Variants in MND1 observed in about 807,000 individuals in gnomAD.
The protein encoded by MND1 is meiotic nuclear division protein 1 homolog.
Under a neutral mutation model 35.1 loss-of-function variants are expected in MND1, and 28 were observed. The ratio of observed to expected loss-of-function variants is 0.80; its 90% confidence interval spans 0.59 to 1.09. The LOEUF (loss-of-function observed/expected upper bound fraction) is 1.09, where lower values mean the gene tolerates loss of function less well. Ranked by LOEUF, MND1 falls within the 50% of genes least tolerant of loss-of-function variation. The pLI, the probability that MND1 is intolerant of heterozygous loss-of-function variation, is 0.00. For synonymous variants in MND1, 69 were observed against 70.5 expected, an observed-to-expected ratio of 0.98 and a Z score of 0.11; for missense variants, 213 against 239.6, an observed-to-expected ratio of 0.89 and a Z score of 0.73.
At chr4:153,351,621 G>T (rs79160463) in intron 2 of MND1, among the ~76,000 whole-genome samples, 2 of 152,116 alleles carry the variant, frequency 1.3e-5, no homozygotes, top group African/African-American at 4.8e-5. Context: ...AAAGCAAATC[G>T]CCAATAATGG....
At chr4:153,356,462 A>G (rs1446049269) in intron 3 of MND1, among the ~76,000 whole-genome samples, 1 of 147,950 alleles carries the variant, frequency 6.8e-6, no homozygotes. Context: ...CTGAGGCAGG[A>G]GAATGGCGTG....
At chr4:153,412,135 A>G (rs575869771) in intron 7 of MND1, among the ~76,000 whole-genome samples, 1 of 152,378 alleles carries the variant, frequency 6.6e-6, no homozygotes, top group East Asian at 1.9e-4. Context: ...TTGACATTCC[A>G]TAACACTTTG....
At chr4:153,394,390 A>G (rs1375041108) in intron 5 of MND1, 54 bp downstream of exon 5, 2 of 1,423,850 alleles carry the variant, frequency 1.4e-6, no homozygotes, top group Non-Finnish European at 1.9e-6. Context: ...ATATTAGAGT[A>G]AGCGACACAG....
chr4:153,362,416 G>A (rs114692359), intron 4 of MND1, among the ~76,000 whole-genome samples: 391 of 152,220 alleles, frequency 2.6e-3, no homozygotes, highest in Admixed American at 4.4e-3. Context: ...TAAGTGTGTA[G>A]CACCTCCCCC....
At chr4:153,389,505 C>T (rs1167458483) in intron 4 of MND1, among the ~76,000 whole-genome samples, 1 of 152,060 alleles carries the variant, frequency 6.6e-6, no homozygotes, top group Non-Finnish European at 1.5e-5. Context: ...GGATTACAGG[C>T]GTATGCCACC....
chr4:153,389,020 G>GT (rs1449467653), intron 4 of MND1, among the ~76,000 whole-genome samples: 1 of 152,196 alleles, frequency 6.6e-6, no homozygotes, highest in Non-Finnish European at 1.5e-5. Context: ...TGATTGGTTT[G>GT]TGAGTATGCA....
intron 2 of MND1, among the ~76,000 whole-genome samples, chr4:153,350,572 T>A (rs181369142): frequency 6.6e-6 from 1 of 152,338 alleles, no homozygotes; most frequent in East Asian, 1.9e-4. Context: ...CTGTCTATAG[T>A]GTAACACACA....
At chr4:153,365,200 G>A (rs950492003) in intron 4 of MND1, among the ~76,000 whole-genome samples, 1 of 152,172 alleles carries the variant, frequency 6.6e-6, no homozygotes, top group African/African-American at 2.4e-5. Context: ...TAGTTGCCAG[G>A]AGAGCTGGCG....
chr4:153,411,335 CAG>C (rs1729678879), intron 7 of MND1, among the ~76,000 whole-genome samples: 1 of 152,090 alleles, frequency 6.6e-6, no homozygotes, highest in African/African-American at 2.4e-5. Context: ...ATAAATCAAA[CAG>C]AAATTCTGCC....
chr4:153,403,524 T>C (rs1186414826), intron 6 of MND1, among the ~76,000 whole-genome samples: 2 of 152,122 alleles, frequency 1.3e-5, no homozygotes, highest in Middle Eastern at 3.2e-3. Context: ...ACTTTACAGA[T>C]TGAGTTCAGG....
At chr4:153,361,347 G>A (rs1032726926) in intron 4 of MND1, among the ~76,000 whole-genome samples, 1 of 152,262 alleles carries the variant, frequency 6.6e-6, no homozygotes, top group Admixed American at 6.5e-5. Context: ...TGTGGCATAT[G>A]TTGCTAATGA....
In MND1 at chr4:153,414,931, C is replaced by A; in HGVS notation, c.*74C>A. ...TTAAACTATTATCTAACTAAGTGTACTGAATTGTCGTTTGCCTGTAACTGT... is the reference window on the plus strand; with the variant it reads ...TTAAACTATTATCTAACTAAGTGTAATGAATTGTCGTTTGCCTGTAACTGT... On this transcript the variant is annotated 3_prime_UTR_variant, in exon 8 of 8. Transcript: ENST00000240488. The A allele has an allele frequency of 3.2e-6, 2 of 619,860 alleles. No homozygotes were observed. The highest frequency in any genetic ancestry group is 5.5e-6 in the Non-Finnish European group (2 of 366,142). The allele number at this position is 619,860 out of a possible 1,614,324, so 38.4% of individuals were successfully genotyped here. A position where few individuals can be genotyped will look rare whatever the true frequency, so the allele number is the denominator to read the frequency against.
intron 4 of MND1, among the ~76,000 whole-genome samples, chr4:153,384,647 T>C (rs1728805048): frequency 1.3e-5 from 2 of 152,042 alleles, no homozygotes; most frequent in Non-Finnish European, 1.5e-5. Flanking sequence ...TACTAGTCAC[T>C]TGTTAGGCTC....
chr4:153,397,146 TATAAA>T, intron 5 of MND1, 68 bp from the exon 6 acceptor site: 2 of 982,768 alleles, frequency 2.0e-6, no homozygotes, highest in Non-Finnish European at 3.0e-6. Flanking sequence ...ATGAAATTGT[TATAAA>T]ATGTATTACC....
At chr4:153,393,119 A>T (rs2149652324) in intron 4 of MND1, among the ~76,000 whole-genome samples, 1 of 152,252 alleles carries the variant, frequency 6.6e-6, no homozygotes, top group South Asian at 2.1e-4. Context: ...ACACTGTCTC[A>T]AGAAAAAAAA....
rs772173817 is a variant in MND1 at position 153,350,054 on chromosome 4, T to G, written c.4-10T>G. Reference sequence around the variant, plus strand: ...AAAGCATTGTTTACTTGTTAATTTTTTTGCTTTAGTCAAAGAAAAAAGGAC... The same window carrying G: ...AAAGCATTGTTTACTTGTTAATTTTGTTGCTTTAGTCAAAGAAAAAAGGAC... On this transcript the variant is annotated splice_polypyrimidine_tract_variant and intron_variant, in intron 1 of 7. Transcript: ENST00000240488. 73 of 1,572,598 alleles carry G rather than the reference T, an allele frequency of 4.6e-5. No individual in the cohort carries two copies. Among genetic ancestry groups the G allele is most frequent in the Non-Finnish European group, 5.5e-5 (64 of 1,158,976 alleles).
chr4:153,362,664 G>C (rs1192242846), intron 4 of MND1, among the ~76,000 whole-genome samples: 1 of 152,134 alleles, frequency 6.6e-6, no homozygotes, highest in Admixed American at 6.6e-5. Flanking sequence ...CAAATTTGGG[G>C]AGGGCTATTA....
At chr4:153,393,109 A>T (rs1488731664) in intron 4 of MND1, among the ~76,000 whole-genome samples, 1 of 152,100 alleles carries the variant, frequency 6.6e-6, no homozygotes, top group Admixed American at 6.6e-5. Flanking sequence ...CCAGAGTGAG[A>T]CACTGTCTCA....
intron 4 of MND1, among the ~76,000 whole-genome samples, chr4:153,367,308 A>G (rs1395152434): frequency 6.6e-6 from 1 of 152,174 alleles, no homozygotes; most frequent in Non-Finnish European, 1.5e-5. Flanking sequence ...GAATCTTCTC[A>G]GCCCACTCCT....
Sources: allele counts gnomAD v4.1 joint callset (sites outside exome capture counted in the v4.1 genomes callset), GRCh38; gene constraint gnomAD v4.1.1; transcripts MANE v1.5; gene names NCBI Gene and HGNC (gene_info 2026-07-23, HGNC 2026-07-21).